Variants in AFF3 observed in about 807,000 individuals in gnomAD.
The protein encoded by AFF3 is ALF transcription elongation factor 3.
Under a neutral mutation model 129.7 loss-of-function variants are expected in AFF3, and 32 were observed. That is an observed-to-expected ratio of 0.25 (90% CI 0.19 to 0.33). The LOEUF is 0.33. AFF3 is among the 10% of genes least tolerant of loss of function. The pLI is 1.00. For synonymous variants in AFF3, 644 were observed against 635.4 expected (o/e 1.01, Z -0.20); for missense variants, 1,373 against 1,592.0 (o/e 0.86, Z 2.34).
chr2:100,027,005 C>T (rs1398402746), intron 4 of AFF3, among the ~76,000 whole-genome samples: 2 of 151,902 alleles, frequency 1.3e-5, no homozygotes. Flanking sequence ...GATGAGTACA[C>T]AAAATCTCAC....
At chr2:99,837,903 TCCA>T (rs1689016642) in intron 7 of AFF3, among the ~76,000 whole-genome samples, 1 of 152,170 alleles carries the variant, frequency 6.6e-6, no homozygotes, top group Non-Finnish European at 1.5e-5. Flanking sequence ...ATCCAATTTA[TCCA>T]CCAAATATAT....
intron 4 of AFF3, among the ~76,000 whole-genome samples, chr2:100,061,603 C>G (rs1018094382): frequency 6.6e-6 from 1 of 152,106 alleles, no homozygotes; most frequent in Non-Finnish European, 1.5e-5. Flanking sequence ...TTTGTATGGG[C>G]AGGTATTAAA....
At chr2:99,616,081 A>G (rs1681397027) in intron 13 of AFF3, among the ~76,000 whole-genome samples, 1 of 152,174 alleles carries the variant, frequency 6.6e-6, no homozygotes, top group African/African-American at 2.4e-5. Context: ...CTGTAAACCC[A>G]TCTGCTTCCT....
intron 11 of AFF3, among the ~76,000 whole-genome samples, chr2:99,724,460 G>A (rs1053193770): frequency 1.3e-5 from 2 of 151,406 alleles, no homozygotes; most frequent in Admixed American, 6.6e-5. Context: ...TTTAGTAGAG[G>A]TGGGGTTTCG....
At chr2:99,814,322 A>G (rs1254040291) in intron 8 of AFF3, among the ~76,000 whole-genome samples, 1 of 151,988 alleles carries the variant, frequency 6.6e-6, no homozygotes, top group African/African-American at 2.4e-5. Flanking sequence ...GAAAAAGCCC[A>G]CAGGGGAAAG....
intron 7 of AFF3, among the ~76,000 whole-genome samples, chr2:99,908,880 C>G (rs374021089): frequency 6.6e-6 from 1 of 152,182 alleles, no homozygotes; most frequent in Non-Finnish European, 1.5e-5. Flanking sequence ...GTTGGTGGGA[C>G]TGTAAACTAG....
At chr2:99,835,542 C>T (rs1191521462) in intron 8 of AFF3, among the ~76,000 whole-genome samples, 1 of 134,070 alleles carries the variant, frequency 7.5e-6, no homozygotes, top group African/African-American at 2.6e-5. Context: ...ATGCGATCCC[C>T]TAGGAGCTCC....
At chr2:99,961,530 A>G (rs957258069) in intron 7 of AFF3, among the ~76,000 whole-genome samples, 2 of 152,180 alleles carry the variant, frequency 1.3e-5, no homozygotes, top group African/African-American at 4.8e-5. Flanking sequence ...CACAGGTTTT[A>G]GAGATTATCT....
At chr2:99,918,901 A>T (rs369610489) in intron 7 of AFF3, among the ~76,000 whole-genome samples, 71 of 152,262 alleles carry the variant, frequency 4.7e-4, no homozygotes, top group African/African-American at 1.6e-3. Context: ...GTCATTCAAA[A>T]CCATTTTTGC....
chr2:100,128,006 C>T (rs1692271378), intron 2 of AFF3, among the ~76,000 whole-genome samples: 1 of 152,154 alleles, frequency 6.6e-6, no homozygotes, highest in Non-Finnish European at 1.5e-5. Context: ...ACCAAGATGG[C>T]CATGAGAGTG....
Position 99,567,466 on chromosome 2 carries a change from G to T in AFF3, c.2982+1386C>A, listed in dbSNP as rs535142639. On this transcript the variant is annotated intron_variant, in intron 19 of 24. Coordinates refer to ENST00000672756, the MANE Select transcript of AFF3 (RefSeq NM_001386135.1). The stretch of plus-strand genomic sequence containing the variant: ...CAGTTCAAAGTGCAAGGCAGTCTGT[G>T]ATTACCCAACAAAATACAAAATGAG... Among the ~76,000 whole-genome samples the T allele has an allele frequency of 2.8e-4, 42 of 152,264 alleles. 1 individual carries two copies. In the South Asian group the frequency reaches 8.3e-3, roughly 30 times the overall value.
chr2:99,817,275 T>C (rs1393849738), intron 8 of AFF3, among the ~76,000 whole-genome samples: 1 of 152,216 alleles, frequency 6.6e-6, no homozygotes, highest in African/African-American at 2.4e-5. Flanking sequence ...TGCGAGCCCA[T>C]GTTCAGCCTT....
chr2:99,995,975 A>G (rs1273890955), intron 7 of AFF3, among the ~76,000 whole-genome samples: 1 of 152,270 alleles, frequency 6.6e-6, no homozygotes, highest in Non-Finnish European at 1.5e-5. Flanking sequence ...TTTTGGAATT[A>G]TAAATTGGAT....
At chr2:99,946,581 C>T (rs1675598080) in intron 7 of AFF3, among the ~76,000 whole-genome samples, 1 of 151,154 alleles carries the variant, frequency 6.6e-6, no homozygotes, top group African/African-American at 2.4e-5. Context: ...GCAGAATTTC[C>T]CCATACCCCC....
chr2:99,916,607 C>A (rs964398932), intron 7 of AFF3, among the ~76,000 whole-genome samples: 13 of 152,150 alleles, frequency 8.5e-5, no homozygotes, highest in African/African-American at 3.1e-4. Context: ...GATCTTCCAA[C>A]AGGTTCTCCA....
intron 7 of AFF3, among the ~76,000 whole-genome samples, chr2:99,983,531 C>T (rs1411218485): frequency 2.6e-5 from 4 of 152,180 alleles, no homozygotes; most frequent in Non-Finnish European, 5.9e-5. Flanking sequence ...AACCAGGCAG[C>T]GACTTGACCT....
chr2:99,609,900 T>C (rs1318499674), intron 13 of AFF3, among the ~76,000 whole-genome samples: 1 of 152,102 alleles, frequency 6.6e-6, no homozygotes, highest in Non-Finnish European at 1.5e-5. Context: ...CCTGAGGCAA[T>C]AAAAAACTGC....
intron 7 of AFF3, among the ~76,000 whole-genome samples, chr2:99,873,267 C>T (rs1692019511): frequency 6.6e-6 from 1 of 152,188 alleles, no homozygotes; most frequent in Admixed American, 6.5e-5. Context: ...GTGTTCGTGG[C>T]AGAAAAGAAC....
At chr2:100,094,231 C>T (rs1690101387) in intron 4 of AFF3, among the ~76,000 whole-genome samples, 1 of 152,126 alleles carries the variant, frequency 6.6e-6, no homozygotes, top group African/African-American at 2.4e-5. Context: ...TTATTGTAGA[C>T]TTCATTTCTA....
Sources: gnomAD v4.1 joint callset for allele counts (sites outside exome capture counted in the v4.1 genomes callset) on GRCh38, gnomAD v4.1.1 for gene constraint, MANE v1.5 for transcripts, NCBI Gene and HGNC (gene_info 2026-07-23, HGNC 2026-07-21) for gene names.